MOGAT1: variants seen among roughly 807,000 people sequenced by gnomAD.
MOGAT1 encodes monoacylglycerol O-acyltransferase 1, also known as 2-acylglycerol O-acyltransferase 1.
MOGAT1 carries 32 observed loss-of-function variants against 31.4 expected under a neutral mutation model. The observed-to-expected ratio is 1.02, with a 90% CI of 0.77 to 1.37. MOGAT1 has a LOEUF of 1.37. MOGAT1 is among the 40% of genes most tolerant of loss of function. The pLI is 0.00. For missense variants in MOGAT1, 426 were observed against 402.0 expected (o/e 1.06, Z -0.51); for synonymous variants, 145 against 144.5 (o/e 1.00, Z -0.03).
intron 1 of MOGAT1, among the ~76,000 whole-genome samples, chr2:222,683,287 T>A (rs1019130357): frequency 1.3e-5 from 2 of 151,450 alleles, no homozygotes; most frequent in East Asian, 3.9e-4. Context: ...AACTGCTTAA[T>A]GGGTAAAGGG....
intron 3 of MOGAT1, among the ~76,000 whole-genome samples, chr2:222,692,892 C>G (rs1692783263): frequency 6.6e-6 from 1 of 152,150 alleles, no homozygotes; most frequent in Non-Finnish European, 1.5e-5. Context: ...GCACCCAACT[C>G]TCACTCAGGT....
intron 5 of MOGAT1, among the ~76,000 whole-genome samples, chr2:222,707,423 G>A (rs1230628817): frequency 6.8e-6 from 1 of 146,076 alleles, no homozygotes; most frequent in Non-Finnish European, 1.5e-5. Flanking sequence ...GGAAGGGAGG[G>A]AAGGGAGGCA....
chr2:222,706,294 G>A lies in MOGAT1; in HGVS notation c.854-3442G>A, dbSNP rs190572834. On this transcript the variant is annotated intron_variant, in intron 5 of 5. Coordinates refer to ENST00000446656, the MANE Select transcript of MOGAT1 (RefSeq NM_058165.3). ...TTGAGACCAGCCTGACCAACATGAC[G>A]AAACTCTGTCTCTACTAAAAACACA... Among the ~76,000 whole-genome samples, 37 of 152,096 alleles carry A rather than the reference G, an allele frequency of 2.4e-4. No individual in the cohort carries two copies. In the South Asian group the frequency reaches 6.0e-3, roughly 25 times the overall value.
intron 1 of MOGAT1, among the ~76,000 whole-genome samples, chr2:222,685,154 C>A (rs1040200311): frequency 2.6e-5 from 4 of 152,042 alleles, no homozygotes; most frequent in Admixed American, 2.6e-4. Context: ...GGAAAAAAGG[C>A]CAAAAGGAAA....
chr2:222,700,006 G>C (rs1365346684), intron 5 of MOGAT1, among the ~76,000 whole-genome samples: 1 of 152,168 alleles, frequency 6.6e-6, no homozygotes, highest in African/African-American at 2.4e-5. Flanking sequence ...AGTTTGCAAT[G>C]GTATTGTTCA....
chr2:222,705,448 G>A (rs533487052), intron 5 of MOGAT1, among the ~76,000 whole-genome samples: 1 of 152,308 alleles, frequency 6.6e-6, no homozygotes, highest in East Asian at 1.9e-4. Context: ...CAAGCTAGGG[G>A]CCCTCAGAGC....
At chr2:222,677,129 T>C (rs535002641) in intron 1 of MOGAT1, among the ~76,000 whole-genome samples, 1 of 152,288 alleles carries the variant, frequency 6.6e-6, no homozygotes, top group African/African-American at 2.4e-5. Flanking sequence ...CAAAGGTGGG[T>C]ACAACCAAAA....
At chr2:222,695,715 T>C (rs552406784) in intron 5 of MOGAT1, among the ~76,000 whole-genome samples, 1 of 152,368 alleles carries the variant, frequency 6.6e-6, no homozygotes, top group South Asian at 2.1e-4. Context: ...AAAGCTTTTT[T>C]TTTGCAGCTA....
chr2:222,693,233 T>C (rs1692788354), intron 3 of MOGAT1, among the ~76,000 whole-genome samples: 1 of 152,242 alleles, frequency 6.6e-6, no homozygotes, highest in South Asian at 2.1e-4. Flanking sequence ...CTGGTTTGTA[T>C]GTTTGTCTTT....
intron 4 of MOGAT1, among the ~76,000 whole-genome samples, 199 bp from the exon 5 acceptor site, chr2:222,694,890 C>T (rs749176767): frequency 6.6e-6 from 1 of 152,176 alleles, no homozygotes; most frequent in Non-Finnish European, 1.5e-5. Flanking sequence ...AAAATCCTGT[C>T]AATGGCTAGC....
intron 1 of MOGAT1, chr2:222,677,641 C>T (rs1029142798): frequency 3.0e-6 from 1 of 332,682 alleles, no homozygotes; most frequent in Non-Finnish European, 5.9e-6. Context: ...GAGGGCTTTT[C>T]CTGGAGGCTG....
intron 1 of MOGAT1, among the ~76,000 whole-genome samples, chr2:222,684,860 C>G (rs1375232439): frequency 6.6e-6 from 1 of 152,148 alleles, no homozygotes; most frequent in Non-Finnish European, 1.5e-5. Flanking sequence ...CAAGCGTGAG[C>G]CACCGTGCCC....
chr2:222,678,941 G>A (rs193065065), intron 1 of MOGAT1, among the ~76,000 whole-genome samples: 48 of 151,818 alleles, frequency 3.2e-4, no homozygotes, highest in Middle Eastern at 6.8e-3. Flanking sequence ...AAAAAACTCC[G>A]TCTCAAAAAA....
intron 3 of MOGAT1, among the ~76,000 whole-genome samples, chr2:222,689,680 CATCCCAAGT>C (rs1692729848): frequency 6.6e-6 from 1 of 152,210 alleles, no homozygotes; most frequent in Non-Finnish European, 1.5e-5. Flanking sequence ...TTTTCTGTTC[CATCCCAAGT>C]ATCCAGCATG....
chr2:222,678,635 A>G (rs1375436130), intron 1 of MOGAT1, among the ~76,000 whole-genome samples: 1 of 152,114 alleles, frequency 6.6e-6, no homozygotes, highest in African/African-American at 2.4e-5. Flanking sequence ...TGGGTGTCGT[A>G]TCTTTAAAAT....
At chr2:222,697,550 T>C (rs2106041246) in intron 5 of MOGAT1, among the ~76,000 whole-genome samples, 1 of 151,380 alleles carries the variant, frequency 6.6e-6, no homozygotes, top group Admixed American at 6.6e-5. Context: ...GAGAAATTCC[T>C]GTGGAAGGGA....
At chr2:222,684,855 G>T (rs34564625) in intron 1 of MOGAT1, among the ~76,000 whole-genome samples, 1 of 151,968 alleles carries the variant, frequency 6.6e-6, no homozygotes, top group South Asian at 2.1e-4. Context: ...GATTGCAAGC[G>T]TGAGCCACCG....
At chr2:222,682,093 C>T (rs915364819) in intron 1 of MOGAT1, among the ~76,000 whole-genome samples, 7 of 150,234 alleles carry the variant, frequency 4.7e-5, no homozygotes, top group African/African-American at 1.7e-4. Context: ...TAGCATTCTG[C>T]CACATTTGCT....
chr2:222,701,299 G>GAGAGAGAGAGAGAGAGAGAGA (rs71053101), intron 5 of MOGAT1, among the ~76,000 whole-genome samples: 3 of 90,498 alleles, frequency 3.3e-5, no homozygotes, highest in Non-Finnish European at 7.0e-5. Context: ...AGGAGGAGGA[G>GAGAGAGAGAGAGAGAGAGAGA]GAGAGAGAGA....
Sources: allele counts gnomAD v4.1 joint callset (sites outside exome capture counted in the v4.1 genomes callset), GRCh38; gene constraint gnomAD v4.1.1; transcripts MANE v1.5; gene names NCBI Gene and HGNC (gene_info 2026-07-23, HGNC 2026-07-21).